Variants in TLE6 observed in about 807,000 individuals in gnomAD.
The protein encoded by TLE6 is TLE family member 6, subcortical maternal complex member.
In TLE6, 72 loss-of-function variants were observed where a neutral mutation model predicts 77.1. That is an observed-to-expected ratio of 0.93 (90% CI 0.77 to 1.14). The LOEUF (loss-of-function observed/expected upper bound fraction) is 1.14, where lower values mean the gene tolerates loss of function less well. Among genes scored for constraint, TLE6 ranks in the 50% most tolerant of loss-of-function variants. TLE6 has a pLI of 0.00. For synonymous variants in TLE6, 366 were observed against 287.3 expected (o/e 1.27, Z -2.77); for missense variants, 843 against 747.6 (o/e 1.13, Z -1.49).
chr19:2,987,977 G>A lies in TLE6; in HGVS notation c.702+3G>A. ...ACACAAGTTGGGGTGTGGTCCAGGT[G>A]AGACCCAGGCCCGAGCTGGTAGCCC... On this transcript the variant is annotated splice_donor_region_variant and intron_variant, in intron 10 of 16. Transcript: ENST00000246112. 1.9e-6 allele frequency: 3 copies of A among 1,610,088 alleles called. No individual in the cohort carries two copies. Among genetic ancestry groups the A allele is most frequent in the Non-Finnish European group, 2.5e-6 (3 of 1,178,072 alleles).
intron 15 of TLE6, among the ~76,000 whole-genome samples, 171 bp from the exon 16 acceptor site, chr19:2,993,848 C>T (rs1441189757): frequency 7.0e-6 from 1 of 143,284 alleles, no homozygotes; most frequent in Admixed American, 7.2e-5. Context: ...CCCGGGGAGG[C>T]TGAGGCCACA....
At chr19:2,978,688 T>G (rs924326985) in intron 2 of TLE6, among the ~76,000 whole-genome samples, 1 of 152,084 alleles carries the variant, frequency 6.6e-6, no homozygotes, top group Non-Finnish European at 1.5e-5. Flanking sequence ...CCCAAGGAGT[T>G]TGAGGCTGCA....
At chr19:2,992,212 C>T (rs780988346) in intron 14 of TLE6, among the ~76,000 whole-genome samples, 12 of 152,086 alleles carry the variant, frequency 7.9e-5, no homozygotes, top group Non-Finnish European at 1.6e-4. Context: ...GAGGCTCACA[C>T]CTGTAATCCC....
rs1158204473 is a variant in TLE6 at position 2,985,399 on chromosome 19, C to CTTTTTTTTTTT, written c.223-1419_223-1409dup. ...GGTATGCTGTTTTGCTGCTTGAAGC[C>CTTTTTTTTTTT]TTTTTTTTTTTTTTTTTTTTTGAGA... On this transcript the variant is annotated intron_variant, in intron 5 of 16. Coordinates refer to ENST00000246112, the MANE Select transcript of TLE6 (RefSeq NM_001143986.2). Among the ~76,000 whole-genome samples, 8 of 90,000 alleles carry CTTTTTTTTTTT rather than the reference C, an allele frequency of 8.9e-5. 1 individual carries two copies. The highest frequency in any genetic ancestry group is 3.9e-4 in the African/African-American group (8 of 20,338). 59.0% of individuals were successfully genotyped at this position (90,000 alleles called of 152,430 possible).
Position 2,987,001 on chromosome 19 carries a change from G to A in TLE6, c.304G>A (p.Ala102Thr), listed in dbSNP as rs2088925947. 1.2e-6 allele frequency: 2 copies of A among 1,612,504 alleles called. No homozygotes were observed. The highest frequency in any genetic ancestry group is 1.3e-5 in the African/African-American group (1 of 74,888). ...QSEEVSPAEP[A>T]SPGTPQQVKD... ...GGGCCAGGTCTCACCTGCTGAACCA[G>A]CCAGCCCTGGGACGCCCCAGCAGGT... The change falls in exon 7 of 17, where the codon GCC becomes ACC. Residue 102 changes from alanine to threonine, a missense_variant. Transcript: ENST00000246112.
chr19:2,991,347 A>G (rs1330391979), intron 13 of TLE6, among the ~76,000 whole-genome samples: 2 of 142,710 alleles, frequency 1.4e-5, no homozygotes, highest in African/African-American at 2.7e-5. Flanking sequence ...CAACAAAACG[A>G]GACTCCATTT....
rs571572257 is a variant in TLE6 at position 2,991,839 on chromosome 19, C to T, written c.1245-4C>T. Reference sequence around the variant, plus strand: ...GATTGCCTCCCGATGTCCCTTCTGGCCAGGGACCTCAAGGGTTATCCTGAT... The same window carrying T: ...GATTGCCTCCCGATGTCCCTTCTGGTCAGGGACCTCAAGGGTTATCCTGAT... On this transcript the variant is annotated splice_polypyrimidine_tract_variant and splice_region_variant and intron_variant, in intron 13 of 16. Coordinates refer to ENST00000246112, the MANE Select transcript of TLE6 (RefSeq NM_001143986.2). 5.6e-6 allele frequency: 9 copies of T among 1,613,510 alleles called. No homozygotes were observed. Among genetic ancestry groups the T allele is most frequent in the East Asian group, 2.2e-5 (1 of 44,866 alleles).
At chr19:2,991,718 G>T (rs2089069603) in intron 13 of TLE6, 125 bp from the exon 14 acceptor site, 2 of 889,818 alleles carry the variant, frequency 2.2e-6, no homozygotes, top group Non-Finnish European at 3.5e-6. Context: ...TTGACACTCT[G>T]TGCAGGCAGA....
In TLE6 at chr19:2,980,114, C is replaced by T. The variant is rs773402287; in HGVS notation, c.66C>T (p.Ile22=). The T allele has an allele frequency of 2.7e-5, 42 of 1,550,504 alleles. No individual in the cohort carries two copies. The African/African-American group carries it at 5.1e-4, about 19-fold the overall frequency. Residue 22 remains isoleucine, a synonymous_variant, in exon 3 of 17, where the codon ATC becomes ATT. Transcript: ENST00000246112. Reference sequence around the variant, plus strand: ...GACCTTTCCAGCCTTGTCCTGGGATCTCGAACTCTGAGAGCTCTCCGACGC... The same window carrying T: ...GACCTTTCCAGCCTTGTCCTGGGATTTCGAACTCTGAGAGCTCTCCGACGC... ...PPKSTSPCPG[I]SNSESSPTLN...
At chr19:2,982,522 C>T (rs1290287251) in intron 5 of TLE6, among the ~76,000 whole-genome samples, 6 of 129,832 alleles carry the variant, frequency 4.6e-5, no homozygotes, top group African/African-American at 1.8e-4. Flanking sequence ...TGGGCGACAG[C>T]GAGACTCTGT....
chr19:2,986,275 G>A (rs1232179898), intron 5 of TLE6, among the ~76,000 whole-genome samples: 1 of 151,388 alleles, frequency 6.6e-6, no homozygotes, highest in Non-Finnish European at 1.5e-5. Flanking sequence ...AATTAGCTGA[G>A]CGTGGTGGTG....
intron 13 of TLE6, among the ~76,000 whole-genome samples, chr19:2,990,858 C>A (rs56381613): frequency 6.6e-6 from 1 of 150,702 alleles, no homozygotes; most frequent in Non-Finnish European, 1.5e-5. Flanking sequence ...GAAAATTAGC[C>A]GGCGTGGTGG....
intron 13 of TLE6, among the ~76,000 whole-genome samples, chr19:2,990,254 A>C (rs975431128): frequency 2.6e-5 from 4 of 151,916 alleles, no homozygotes; most frequent in Admixed American, 6.6e-5. Context: ...AAATAGAATA[A>C]ATTTTATTTA....
chr19:2,980,855 G>T (rs2088784092), intron 3 of TLE6, among the ~76,000 whole-genome samples: 1 of 151,310 alleles, frequency 6.6e-6, no homozygotes, highest in South Asian at 2.1e-4. Flanking sequence ...TTCAATACCA[G>T]CCTTGGCAAC....
intron 5 of TLE6, among the ~76,000 whole-genome samples, chr19:2,986,127 G>A (rs368304428): frequency 1.6e-4 from 22 of 139,758 alleles, no homozygotes; most frequent in East Asian, 1.2e-3. Context: ...TGCCAGGTGC[G>A]ATAGGCCGGA....
rs73919236 is a variant in TLE6 at position 2,995,029 on chromosome 19, T to G, written c.*25T>G. ...AGGGGCCTCGCTGCTGTCATCCCAC[T>G]CCGGCTCCTCTTTTCATCCCCCCCC... is the stretch of plus-strand genomic sequence containing the variant. On this transcript the variant is annotated 3_prime_UTR_variant, in exon 17 of 17. Transcript: ENST00000246112. 1 of 1,399,782 alleles carries G rather than the reference T, an allele frequency of 7.1e-7. No individual in the cohort carries two copies. Among genetic ancestry groups the G allele is most frequent in the Admixed American group, 2.0e-5 (1 of 49,296 alleles). 86.7% of individuals were successfully genotyped at this position (1,399,782 alleles called of 1,614,324 possible). A position where few individuals can be genotyped will look rare whatever the true frequency, so the allele number is the denominator to read the frequency against.
Position 2,989,779 on chromosome 19 carries a change from T to C in TLE6, c.1238T>C (p.Val413Ala), listed in dbSNP as rs367866687. The C allele has an allele frequency of 1.1e-5, 18 of 1,613,120 alleles. No homozygotes were observed. Among genetic ancestry groups the C allele is most frequent in the Non-Finnish European group, 1.4e-5 (17 of 1,179,430 alleles). The change falls in exon 13 of 17, where the codon GTG becomes GCG. Residue 413 changes from valine to alanine, a missense_variant. By Grantham distance (64) the Val-to-Ala change is moderately conservative. Coordinates refer to ENST00000246112, the MANE Select transcript of TLE6 (RefSeq NM_001143986.2). ...VRIWDLRDQS[V>A]VRDLKGYPDG... Reference sequence around the variant, plus strand: ...ATCTGGGACCTGCGGGATCAGAGTGTGGTCAGGTGCGTTTGGGGGGTGGGA... The same window carrying C: ...ATCTGGGACCTGCGGGATCAGAGTGCGGTCAGGTGCGTTTGGGGGGTGGGA...
chr19:2,978,283 C>T lies in TLE6; in HGVS notation c.50C>T (p.Ser17Leu), dbSNP rs1040845559. 19 of 1,551,264 alleles carry T rather than the reference C, an allele frequency of 1.2e-5. No homozygotes were observed. In the African/African-American group the frequency reaches 1.4e-4, roughly 11 times the overall value. ...CCCAAGGGCCCCCCGAAAAGCACTT[C>T]GGTGAGGAGGGCATGTGGTGGGATC... is the stretch of plus-strand genomic sequence containing the variant. Reference protein sequence around the residue: ...PRPKGPPKSTSPCPGISNSES... With the variant: ...PRPKGPPKSTLPCPGISNSES... The change falls in exon 2 of 17, where the codon TCG becomes TTG. Residue 17 changes from serine to leucine, a missense_variant and splice_region_variant. Physicochemically the swap from Ser to Leu is moderately radical, Grantham distance 145. Coordinates refer to ENST00000246112, the MANE Select transcript of TLE6 (RefSeq NM_001143986.2).
rs1455778097 is a variant in TLE6, at chr19:2,994,105, T to G, written c.1614+10T>G. On this transcript the variant is annotated intron_variant, in intron 16 of 16. Coordinates refer to ENST00000246112, the MANE Select transcript of TLE6 (RefSeq NM_001143986.2). The stretch of plus-strand genomic sequence containing the variant: ...GACAAAAGTGTTCGAGGTACTGCGG[T>G]GGGCTGGGGGCAGGACCCGGGGGTG... 9 of 1,509,802 alleles carry G rather than the reference T, an allele frequency of 6.0e-6. No individual in the cohort carries two copies. Among genetic ancestry groups the G allele is most frequent in the African/African-American group, 3.1e-5 (2 of 65,506 alleles). 93.5% of individuals were successfully genotyped at this position (1,509,802 alleles called of 1,614,324 possible). A position where few individuals can be genotyped will look rare whatever the true frequency, so the allele number is the denominator to read the frequency against.
Sources: allele counts gnomAD v4.1 joint callset (sites outside exome capture counted in the v4.1 genomes callset), GRCh38; gene constraint gnomAD v4.1.1; transcripts MANE v1.5; gene names NCBI Gene and HGNC (gene_info 2026-07-23, HGNC 2026-07-21).